Variants in ZNF687 observed in about 807,000 individuals in gnomAD.
ZNF687 encodes the protein zinc finger protein 687.
ZNF687 carries 13 observed loss-of-function variants against 71.8 expected under a neutral mutation model. That is an observed-to-expected ratio of 0.18 (90% CI 0.12 to 0.29). ZNF687 has a LOEUF of 0.29. ZNF687 is among the 10% of genes least tolerant of loss of function. The pLI, the probability that ZNF687 is intolerant of heterozygous loss-of-function variation, is 1.00. For synonymous variants in ZNF687, 673 were observed against 641.6 expected (o/e 1.05, Z -0.74); for missense variants, 1,412 against 1,625.6 (o/e 0.87, Z 2.26).
chr1:151,291,734 G>A lies in ZNF687; in HGVS notation c.*525G>A, dbSNP rs1286027457. 4.0e-5 allele frequency: 6 copies of A among 151,610 alleles called. No homozygotes were observed. The highest frequency in any genetic ancestry group is 1.2e-4 in the African/African-American group (5 of 41,160). 9.4% of individuals were successfully genotyped at this position (151,610 alleles called of 1,614,324 possible). On this transcript the variant is annotated 3_prime_UTR_variant, in exon 9 of 9. Coordinates refer to ENST00000336715, the MANE Select transcript of ZNF687 (RefSeq NM_020832.3). ...CACTTCTTTTTTTCCCCAGAAATCC[G>A]GGGCGGGGGGGTGGGGGGTTGGTAG...
intron 3 of ZNF687, 67 bp from the exon 4 acceptor site, chr1:151,289,028 G>C: frequency 6.6e-7 from 1 of 1,523,564 alleles, no homozygotes; most frequent in Non-Finnish European, 9.0e-7. Flanking sequence ...GAGAATAAAT[G>C]TATGGTCCCG....
Position 151,288,681 on chromosome 1 carries a change from C to T in ZNF687, c.2269C>T (p.His757Tyr). 1 of 1,613,640 alleles carries T rather than the reference C, an allele frequency of 6.2e-7. No homozygotes were observed. Residue 757 changes from histidine (H) to tyrosine (Y), a missense_variant, in exon 3 of 9, where the codon CAC becomes TAC. Around this residue, in one of 8 missense-constraint regions of ZNF687, gnomAD observed 207 missense variants for 239.2 expected, o/e 0.87. Transcript: ENST00000336715. ...FQTHLREACL[H>Y]VSRRVGYRCP... Reference sequence around the variant, plus strand: ...GACCCATCTCCGGGAGGCCTGTCTGCACGTCTCTCGCCGTGTAGGATACAG... The same window carrying T: ...GACCCATCTCCGGGAGGCCTGTCTGTACGTCTCTCGCCGTGTAGGATACAG...
In ZNF687 at chr1:151,289,082, G is replaced by A. The variant is rs1455479427; in HGVS notation, c.2295-13G>A. The stretch of plus-strand genomic sequence containing the variant: ...CTCCCACCTCACCACAGGGCCTCCT[G>A]CTTCCTCCCTAGGTGCCCCAGCTGT... On this transcript the variant is annotated splice_polypyrimidine_tract_variant and intron_variant, in intron 3 of 8. Coordinates refer to ENST00000336715, the MANE Select transcript of ZNF687 (RefSeq NM_020832.3). 6.2e-7 allele frequency: 1 copy of A among 1,612,640 alleles called. No individual in the cohort carries two copies. The highest frequency in any genetic ancestry group is 1.3e-5 in the African/African-American group (1 of 75,052).
In ZNF687 at chr1:151,291,819, A is replaced by C. The variant is rs911613664; in HGVS notation, c.*610A>C. On this transcript the variant is annotated 3_prime_UTR_variant, in exon 9 of 9. Coordinates refer to ENST00000336715, the MANE Select transcript of ZNF687 (RefSeq NM_020832.3). ...GGGGACAGGCTCTCAGGAATCCTTT[A>C]TTCTTGTAGTAATAATAATACTAAC... 1 of 152,476 alleles carries C rather than the reference A, an allele frequency of 6.6e-6. No homozygotes were observed. The highest frequency in any genetic ancestry group is 2.4e-5 in the African/African-American group (1 of 41,384). The allele number at this position is 152,476 out of a possible 1,614,324, so 9.4% of individuals were successfully genotyped here.
At chr1:151,281,865 A>C (rs1693724818), upstream of ZNF687, 1 of 426,732 alleles carries the variant, frequency 2.3e-6, no homozygotes, top group African/African-American at 2.1e-5. Flanking sequence ...CACCACACAG[A>C]AGCTGGGTTC....
chr1:151,283,415 GATAGGAGC>G, intron 1 of ZNF687: 2 of 633,408 alleles, frequency 3.2e-6, no homozygotes, highest in Non-Finnish European at 3.9e-6. Context: ...GGGCGGGGGA[GATAGGAGC>G]CCTAGAGACA....
Position 151,288,573 on chromosome 1 carries a change from A to C in ZNF687, c.2161A>C (p.Ser721Arg). 1 of 1,613,658 alleles carries C rather than the reference A, an allele frequency of 6.2e-7. No individual in the cohort carries two copies. Among genetic ancestry groups the C allele is most frequent in the South Asian group, 1.1e-5 (1 of 91,026 alleles). Residue 721 changes from serine (S) to arginine (R), a missense_variant, in exon 3 of 9, where the codon AGC becomes CGC. This residue lies in a region of ZNF687 where 207 missense variants were observed against 239.2 expected (regional missense o/e 0.87). Coordinates refer to ENST00000336715, the MANE Select transcript of ZNF687 (RefSeq NM_020832.3). ...GATGCTCCCCAATCGCTGCAGCTTC[A>C]GCGCCCACCAGCGCATGCATAAGAA... is the stretch of plus-strand genomic sequence containing the variant. Reference protein sequence around the residue: ...PMMLPNRCSFSAHQRMHKNRP... With the variant: ...PMMLPNRCSFRAHQRMHKNRP...
chr1:151,284,802 C>CTTTT lies in ZNF687; in HGVS notation c.-17-1449_-17-1446dup, dbSNP rs869269504. Among the ~76,000 whole-genome samples, 51 of 56,436 alleles carry CTTTT rather than the reference C, an allele frequency of 9.0e-4. 1 individual carries two copies. Among genetic ancestry groups the CTTTT allele is most frequent in the East Asian group, 1.7e-3 (3 of 1,816 alleles). The allele number at this position is 56,436 out of a possible 152,430, so 37.0% of individuals were successfully genotyped here. A position where few individuals can be genotyped will look rare whatever the true frequency, so the allele number is the denominator to read the frequency against. On this transcript the variant is annotated intron_variant, in intron 1 of 8. Coordinates refer to ENST00000336715, the MANE Select transcript of ZNF687 (RefSeq NM_020832.3). ...ACTTGTGCTCTCTGCCTTGTCTTGT[C>CTTTT]TTTTTTTTTTTTTTTTTTTTTTTTT... is the stretch of plus-strand genomic sequence containing the variant.
intron 1 of ZNF687, chr1:151,284,079 T>G: frequency 1.0e-6 from 1 of 985,402 alleles, no homozygotes; most frequent in South Asian, 4.7e-5. Flanking sequence ...TTTAATTTTA[T>G]TTTTTGCACT....
chr1:151,282,204 G>A (rs1693738619), upstream of ZNF687: 33 of 1,057,698 alleles, frequency 3.1e-5, no homozygotes, highest in South Asian at 8.1e-4. Context: ...GCTGAGCGAC[G>A]GGGGCAAGGG....
At position 151,290,253 on chromosome 1, in the gene ZNF687, T is replaced by C. The variant is rs1170197015; in HGVS notation, c.3077+19T>C. ...CCTGCAGGTAAGTCTTGCTCCCCGC[T>C]TCCTCTTCCTGCCCAGCACGTGACT... On this transcript the variant is annotated intron_variant, in intron 7 of 8. Transcript: ENST00000336715. 6 of 1,612,836 alleles carry C rather than the reference T, an allele frequency of 3.7e-6. No homozygotes were observed. The highest frequency in any genetic ancestry group is 5.1e-6 in the Non-Finnish European group (6 of 1,179,122).
chr1:151,282,803 G>C (rs1255033735), intron 1 of ZNF687, among the ~76,000 whole-genome samples: 1 of 152,178 alleles, frequency 6.6e-6, no homozygotes, highest in Non-Finnish European at 1.5e-5. Flanking sequence ...GTCCGGGCCC[G>C]GGCAAGACTC....
rs373871453 is a variant in ZNF687, at chr1:151,288,402, G to A, written c.2111G>A (p.Ser704Asn). ...GGCCCCCCTGCCCCTGGGGCCACCA[G>A]CAATGTGAGTCACCTTTCACAGCCC... ...QLGPPAPGAT[S>N]NVCPTCPMML... is the part of the protein sequence containing the mutation. The change falls in exon 2 of 9, where the codon AGC (serine) becomes AAC (asparagine). Residue 704 changes from serine to asparagine, a missense_variant. Physicochemically the swap from Ser to Asn is conservative, Grantham distance 46 (BLOSUM62 1). Coordinates refer to ENST00000336715, the MANE Select transcript of ZNF687 (RefSeq NM_020832.3). The A allele has an allele frequency of 5.0e-5, 80 of 1,603,420 alleles. No individual in the cohort carries two copies. Among genetic ancestry groups the A allele is most frequent in the Non-Finnish European group, 6.6e-5 (77 of 1,175,456 alleles).
At chr1:151,283,962 T>C in intron 1 of ZNF687, 3 of 985,438 alleles carry the variant, frequency 3.0e-6, no homozygotes, top group Non-Finnish European at 3.6e-6. Flanking sequence ...TCTTCGTAGA[T>C]ACAGAAACAC....
At position 151,291,278 on chromosome 1, in the gene ZNF687, C is replaced by T. The variant is rs1259195494; in HGVS notation, c.*69C>T. On this transcript the variant is annotated 3_prime_UTR_variant, in exon 9 of 9. Transcript: ENST00000336715. Reference sequence around the variant, plus strand: ...GGTTTTCCCTACTGCTGCCTGATCCCTCGGCTGGGGAGTTTTCATTAACAT... The same window carrying T: ...GGTTTTCCCTACTGCTGCCTGATCCTTCGGCTGGGGAGTTTTCATTAACAT... 1 of 1,514,410 alleles carries T rather than the reference C, an allele frequency of 6.6e-7. No homozygotes were observed. The highest frequency in any genetic ancestry group is 1.4e-5 in the African/African-American group (1 of 71,684). The allele number at this position is 1,514,410 out of a possible 1,614,324, so 93.8% of individuals were successfully genotyped here. A position where few individuals can be genotyped will look rare whatever the true frequency, so the allele number is the denominator to read the frequency against.
Position 151,288,522 on chromosome 1 carries a change from C to T in ZNF687, c.2116-6C>T, listed in dbSNP as rs373859559. The T allele has an allele frequency of 2.8e-5, 45 of 1,597,234 alleles. No homozygotes were observed. The Middle Eastern group carries it at 8.3e-4, about 30-fold the overall frequency. ...ACCGACTTTCCTTGTTTAACCCACT[C>T]GACAGGTGTGCCCAACCTGCCCCAT... On this transcript the variant is annotated splice_region_variant and splice_polypyrimidine_tract_variant and intron_variant, in intron 2 of 8. Coordinates refer to ENST00000336715, the MANE Select transcript of ZNF687 (RefSeq NM_020832.3).
intron 1 of ZNF687, chr1:151,283,797 G>GC (rs1166351129): frequency 1.0e-6 from 1 of 984,500 alleles, no homozygotes; most frequent in Non-Finnish European, 1.2e-6. Context: ...CTTTGGTTTT[G>GC]CCCCCACCCC....
At chr1:151,283,985 A>G in intron 1 of ZNF687, 1 of 985,438 alleles carries the variant, frequency 1.0e-6, no homozygotes, top group South Asian at 4.7e-5. Flanking sequence ...ATGGGGAGAC[A>G]CTGGTAGGGG....
chr1:151,283,976 T>C (rs764088413), intron 1 of ZNF687: 29 of 985,436 alleles, frequency 2.9e-5, no homozygotes, highest in Non-Finnish European at 3.5e-5. Flanking sequence ...GAAACACTCA[T>C]GGGGAGACAC....
Sources: allele counts gnomAD v4.1 joint callset (sites outside exome capture counted in the v4.1 genomes callset), GRCh38; gene constraint gnomAD v4.1.1; regional missense constraint gnomAD v4.1.1; transcripts MANE v1.5; gene names NCBI Gene and HGNC (gene_info 2026-07-23, HGNC 2026-07-21).